Variants in SYNE3 observed in about 807,000 individuals in gnomAD.
The protein encoded by SYNE3 is nesprin-3.
Under a neutral mutation model 111.2 loss-of-function variants are expected in SYNE3, and 100 were observed. The ratio of observed to expected loss-of-function variants is 0.90; its 90% CI spans 0.77 to 1.06. The LOEUF is 1.06. SYNE3 is among the 50% of genes least tolerant of loss of function. SYNE3 has a pLI of 0.00. For synonymous variants in SYNE3, 547 were observed against 533.9 expected, an observed-to-expected ratio of 1.02 and a Z score of -0.34; for missense variants, 1,160 against 1,240.3, an observed-to-expected ratio of 0.94 and a Z score of 0.97.
At position 95,455,673 on chromosome 14, in the gene SYNE3, C is replaced by T. The variant is rs146716804; in HGVS notation, c.841G>A (p.Glu281Lys). ...RGEESLETLE[E>K]QSAGVIRNTS... ...TTCCGAATGACACCCGCAGACTGCT[C>T]CTCCAGCGTCTCCAGAGACTCCTCG... Residue 281 changes from glutamate (E) to lysine (K), a missense_variant, in exon 6 of 18, where the codon GAG becomes AAG. Transcript: ENST00000682763. 1 of 1,614,244 alleles carries T rather than the reference C, an allele frequency of 6.2e-7. No homozygotes were observed.
intron 1 of SYNE3, among the ~76,000 whole-genome samples, chr14:95,493,458 C>T (rs1236680007): frequency 1.3e-5 from 2 of 152,222 alleles, no homozygotes; most frequent in Non-Finnish European, 2.9e-5. Flanking sequence ...GTGTATTGAA[C>T]TCCGGAGCTG....
intron 2 of SYNE3, among the ~76,000 whole-genome samples, chr14:95,472,252 A>G (rs1888573325): frequency 6.6e-6 from 1 of 152,256 alleles, no homozygotes; most frequent in Non-Finnish European, 1.5e-5. Context: ...GCTCCTGACC[A>G]AGACGGTGGC....
chr14:95,427,065 C>T (rs1423523392), intron 17 of SYNE3, among the ~76,000 whole-genome samples: 1 of 151,834 alleles, frequency 6.6e-6, no homozygotes, highest in African/African-American at 2.4e-5. Context: ...TAATAATCCT[C>T]GCTCTATAAT....
At chr14:95,481,394 G>A (rs1035426634) in intron 1 of SYNE3, among the ~76,000 whole-genome samples, 2 of 152,162 alleles carry the variant, frequency 1.3e-5, no homozygotes, top group African/African-American at 2.4e-5. Flanking sequence ...TAATGAGGAG[G>A]AGGAGCTGAG....
In SYNE3 at chr14:95,443,226, C is replaced by T. The variant is rs1202376572; in HGVS notation, c.1840G>A (p.Glu614Lys). Residue 614 changes from glutamate (E) to lysine (K), a missense_variant, in exon 11 of 18, where the codon GAG becomes AAG. Physicochemically the swap from Glu to Lys is moderately conservative, Grantham distance 56. Transcript: ENST00000682763. ...ATTTTGTGCTGGTGGTTGGGGTTCT[C>T]CTGGACCAGAGGCCTTGCAGCCTCC... ...QMEAARPLVQ[E>K]NPNHQHKMDQ... The T allele has an allele frequency of 6.2e-7, 1 of 1,614,198 alleles. No homozygotes were observed.
chr14:95,456,668 G>C (rs955945526), intron 5 of SYNE3, among the ~76,000 whole-genome samples: 1 of 152,152 alleles, frequency 6.6e-6, no homozygotes, highest in African/African-American at 2.4e-5. Flanking sequence ...GCTGGCCAGG[G>C]ATTTCCATAA....
intron 13 of SYNE3, 152 bp downstream of exon 13, chr14:95,439,460 A>G: frequency 2.9e-6 from 3 of 1,039,426 alleles, no homozygotes; most frequent in Non-Finnish European, 4.2e-6. Context: ...TCCTGCTAGA[A>G]TAGCCAACTG....
intron 1 of SYNE3, among the ~76,000 whole-genome samples, chr14:95,509,437 G>A (rs149834006): frequency 6.6e-6 from 1 of 152,290 alleles, no homozygotes; most frequent in Non-Finnish European, 1.5e-5. Flanking sequence ...GGACCCTCCT[G>A]GGCTGAGGGG....
At chr14:95,437,116 G>A (rs2139385124) in intron 14 of SYNE3, 135 bp from the exon 15 acceptor site, 1 of 937,256 alleles carries the variant, frequency 1.1e-6, no homozygotes, top group Non-Finnish European at 1.6e-6. Flanking sequence ...AGGCCTGGGG[G>A]ATGAACAATG....
At chr14:95,511,478 A>C (rs1278933670) in intron 1 of SYNE3, among the ~76,000 whole-genome samples, 1 of 152,136 alleles carries the variant, frequency 6.6e-6, no homozygotes, top group African/African-American at 2.4e-5. Context: ...AGGTGGGTGG[A>C]TCACGAGGTC....
chr14:95,465,523 A>C (rs911441553), intron 4 of SYNE3, among the ~76,000 whole-genome samples: 2 of 152,088 alleles, frequency 1.3e-5, no homozygotes, highest in Non-Finnish European at 2.9e-5. Flanking sequence ...GTTGATGGGT[A>C]GGTGAATGAG....
intron 1 of SYNE3, among the ~76,000 whole-genome samples, chr14:95,502,576 C>T (rs1890377463): frequency 1.3e-5 from 2 of 152,144 alleles, no homozygotes; most frequent in Non-Finnish European, 2.9e-5. Context: ...TTTGTGCATT[C>T]AGGAGATCCA....
In SYNE3 at chr14:95,452,397, C is replaced by T. The variant is rs779404100; in HGVS notation, c.1138-14G>A. ...CGCCCGTGTTGCCTGCAGCACATGACGACACCGCAGCGGGAGGTGAGGCTC... is the reference window on the plus strand; with the variant it reads ...CGCCCGTGTTGCCTGCAGCACATGATGACACCGCAGCGGGAGGTGAGGCTC... On this transcript the variant is annotated splice_polypyrimidine_tract_variant and intron_variant, in intron 6 of 17. Transcript: ENST00000682763. The T allele has an allele frequency of 6.5e-5, 104 of 1,599,104 alleles. No homozygotes were observed. The highest frequency in any genetic ancestry group is 1.7e-4 in the Middle Eastern group (1 of 6,010).
chr14:95,425,181 G>A (rs1353427326), intron 17 of SYNE3, among the ~76,000 whole-genome samples: 46 of 151,918 alleles, frequency 3.0e-4, no homozygotes, highest in Non-Finnish European at 2.9e-5. Flanking sequence ...GGGAGATGGA[G>A]GTTGCAGTGA....
intron 8 of SYNE3, among the ~76,000 whole-genome samples, chr14:95,447,227 G>C (rs932789348): frequency 6.6e-6 from 1 of 150,484 alleles, no homozygotes; most frequent in Non-Finnish European, 1.5e-5. Flanking sequence ...TTCACCTCCT[G>C]GGTTCACGCC....
In SYNE3 at chr14:95,417,708, A is replaced by C. The variant is rs1903624114; in HGVS notation, c.*118T>G. 1.9e-6 allele frequency: 2 copies of C among 1,055,568 alleles called. No homozygotes were observed. Among genetic ancestry groups the C allele is most frequent in the Admixed American group, 1.7e-5 (1 of 58,162 alleles). The allele number at this position is 1,055,568 out of a possible 1,614,324, so 65.4% of individuals were successfully genotyped here. On this transcript the variant is annotated 3_prime_UTR_variant, in exon 18 of 18. Coordinates refer to ENST00000682763, the MANE Select transcript of SYNE3 (RefSeq NM_152592.6). ...GAACGCTGACACAGCACTGATATGG[A>C]TGCAGCTCTGCAGTCTTTGCCCTGC...
rs946807731 is a variant in SYNE3, at chr14:95,411,781, G to A, written c.*6045C>T. 1 of 152,376 alleles carries A rather than the reference G, an allele frequency of 6.6e-6. No individual in the cohort carries two copies. The highest frequency in any genetic ancestry group is 6.5e-5 in the Admixed American group (1 of 15,290). 9.4% of individuals were successfully genotyped at this position (152,376 alleles called of 1,614,324 possible). A position where few individuals can be genotyped will look rare whatever the true frequency, so the allele number is the denominator to read the frequency against. On this transcript the variant is annotated 3_prime_UTR_variant, in exon 18 of 18. Coordinates refer to ENST00000682763, the MANE Select transcript of SYNE3 (RefSeq NM_152592.6). ...CAGCCACAGGCACAGCCTCCCTGGGGGGGTCCCTCAGCTCCTCTCCTCTGG... is the reference window on the plus strand; with the variant it reads ...CAGCCACAGGCACAGCCTCCCTGGGAGGGTCCCTCAGCTCCTCTCCTCTGG...
chr14:95,416,542 CCTCGGGAA>C lies in SYNE3; in HGVS notation c.*1276_*1283del, dbSNP rs1279574410. On this transcript the variant is annotated 3_prime_UTR_variant, in exon 18 of 18. Transcript: ENST00000682763. ...TGGCAAGGAAGGGATGAGTTTCTGG[CCTCGGGAA>C]CTCACATGGAGTCACCGCGGCCCCA... The C allele has an allele frequency of 6.6e-6, 1 of 152,218 alleles. No homozygotes were observed. 9.4% of individuals were successfully genotyped at this position (152,218 alleles called of 1,614,324 possible). A position where few individuals can be genotyped will look rare whatever the true frequency, so the allele number is the denominator to read the frequency against.
In SYNE3 at chr14:95,466,072, G is replaced by C. The variant is rs751791161; in HGVS notation, c.486C>G (p.Asn162Lys). Residue 162 changes from asparagine (N) to lysine (K), a missense_variant, in exon 4 of 18, where the codon AAC (asparagine) becomes AAG (lysine). Transcript: ENST00000682763. ...QLSHAQVLLH[N>K]VDNQAVLLDR... The stretch of plus-strand genomic sequence containing the variant: ...CCAGGAGCACCGCCTGGTTGTCCAC[G>C]TTGTGCAGCAGCACCTGGGCGTGGC... The C allele has an allele frequency of 1.2e-6, 2 of 1,613,432 alleles. No individual in the cohort carries two copies. The highest frequency in any genetic ancestry group is 2.2e-5 in the East Asian group (1 of 44,858).
Sources: allele counts gnomAD v4.1 joint callset (sites outside exome capture counted in the v4.1 genomes callset), GRCh38; gene constraint gnomAD v4.1.1; transcripts MANE v1.5; gene names NCBI Gene and HGNC (gene_info 2026-07-23, HGNC 2026-07-21).